Variants in PCBP3 observed in about 807,000 individuals in gnomAD.
PCBP3 encodes the protein poly(rC) binding protein 3.
A neutral mutation model predicts 52.7 loss-of-function variants in PCBP3; 25 were observed. That is an observed-to-expected ratio of 0.47 (90% CI 0.35 to 0.66). The LOEUF is 0.66. PCBP3 is among the 30% of genes least tolerant of loss of function. The pLI is 0.01. For synonymous variants in PCBP3, 162 were observed against 183.0 expected (o/e 0.89, Z 0.93); for missense variants, 391 against 490.3 (o/e 0.80, Z 1.91).
chr21:45,673,352 T>C (rs1252804319), intron 2 of PCBP3, among the ~76,000 whole-genome samples: 1 of 152,204 alleles, frequency 6.6e-6, no homozygotes, highest in Non-Finnish European at 1.5e-5. Flanking sequence ...TTTTTGTTTT[T>C]AACTGTATTA....
At chr21:45,925,109 TAGAAACAGCACA>T (rs2075206172) in intron 13 of PCBP3, among the ~76,000 whole-genome samples, 2 of 99,234 alleles carry the variant, frequency 2.0e-5, no homozygotes, top group East Asian at 4.5e-4. Context: ...GTCGCGTGGG[TAGAAACAGCACA>T]CGTAAGATCG....
intron 1 of PCBP3, among the ~76,000 whole-genome samples, chr21:45,659,921 T>C (rs1400951093): frequency 6.6e-6 from 1 of 152,172 alleles, no homozygotes; most frequent in African/African-American, 2.4e-5. Context: ...TGTTTTCTGC[T>C]TTTTGAATGG....
intron 16 of PCBP3, 125 bp from the exon 17 acceptor site, chr21:45,939,905 T>A: frequency 2.4e-6 from 2 of 827,258 alleles, no homozygotes; most frequent in Non-Finnish European, 3.8e-6. Context: ...GGTGTTGAGC[T>A]CAGGTCTTGG....
At chr21:45,897,926 T>A (rs1481509971) in intron 6 of PCBP3, among the ~76,000 whole-genome samples, 1 of 152,104 alleles carries the variant, frequency 6.6e-6, no homozygotes, top group African/African-American at 2.4e-5. Flanking sequence ...CCACGAGGAA[T>A]CCAACTGCCA....
At chr21:45,769,724 T>C (rs1308194084) in intron 4 of PCBP3, among the ~76,000 whole-genome samples, 1 of 152,234 alleles carries the variant, frequency 6.6e-6, no homozygotes, top group Admixed American at 6.5e-5. Flanking sequence ...GTCTTCACTC[T>C]GGCTGGCCGT....
chr21:45,681,893 AATT>A (rs1248468005), intron 2 of PCBP3, among the ~76,000 whole-genome samples: 8 of 152,160 alleles, frequency 5.3e-5, no homozygotes, highest in African/African-American at 1.7e-4. Flanking sequence ...GAACATTAGA[AATT>A]ATCCAATTTT....
chr21:45,863,701 G>C (rs1036059485), intron 5 of PCBP3, among the ~76,000 whole-genome samples: 3 of 152,210 alleles, frequency 2.0e-5, no homozygotes, highest in Non-Finnish European at 2.9e-5. Context: ...GTGGCCATCT[G>C]TCCGATACCC....
chr21:45,708,357 A>G lies in PCBP3; in HGVS notation c.-199-27035A>G, dbSNP rs2083596313. ...GCATTTCTGCCCAATTCCAAGGTCAAATTGCTGCTGTGAGAGTTCAGGGAT... is the reference window on the plus strand; with the variant it reads ...GCATTTCTGCCCAATTCCAAGGTCAGATTGCTGCTGTGAGAGTTCAGGGAT... On this transcript the variant is annotated intron_variant, in intron 2 of 17. Coordinates refer to ENST00000681687, the MANE Select transcript of PCBP3 (RefSeq NM_001384156.1). 2.0e-5 allele frequency among the ~76,000 whole-genome samples: 3 copies of G among 152,120 alleles called. No individual in the cohort carries two copies. The South Asian group carries it at 6.2e-4, about 31-fold the overall frequency.
In PCBP3 at chr21:45,938,208, A is replaced by C. The variant is rs143860212; in HGVS notation, c.910-1822A>C. Among the ~76,000 whole-genome samples, 19 of 152,382 alleles carry C rather than the reference A, an allele frequency of 1.2e-4. No homozygotes were observed. In the East Asian group the frequency reaches 3.7e-3, roughly 29 times the overall value. On this transcript the variant is annotated intron_variant, in intron 16 of 17. Coordinates refer to ENST00000681687, the MANE Select transcript of PCBP3 (RefSeq NM_001384156.1). ...AGGCTCCGAGGAGAGATCCAACAGC[A>C]CATGTGCACAAGGCTTTCCGTGCTG...
chr21:45,940,316 C>A, intron 17 of PCBP3, 117 bp downstream of exon 17: 1 of 788,690 alleles, frequency 1.3e-6, no homozygotes, highest in South Asian at 1.9e-5. Context: ...CACTCTGCCT[C>A]CCCTTCTGTC....
intron 9 of PCBP3, among the ~76,000 whole-genome samples, chr21:45,901,754 GAC>G (rs2096062464): frequency 7.8e-6 from 1 of 128,002 alleles, no homozygotes; most frequent in Admixed American, 7.6e-5. Flanking sequence ...AAGAGAGAGA[GAC>G]AGAGACAGAG....
At chr21:45,669,799 GTGTGTGTATA>G (rs1422615690) in intron 2 of PCBP3, among the ~76,000 whole-genome samples, 559 of 87,984 alleles carry the variant, frequency 6.4e-3, no homozygotes, top group African/African-American at 0.01. Flanking sequence ...GTGTGTGTGT[GTGTGTGTATA>G]TATATATATA....
intron 5 of PCBP3, among the ~76,000 whole-genome samples, chr21:45,887,099 GCTTGCCAGCTTTTCCACTTCCAAGT>G (rs1391847318): frequency 1.1e-4 from 16 of 152,200 alleles, no homozygotes; most frequent in Admixed American, 1.0e-3. Flanking sequence ...GGCATTTCCG[GCTTGCCAGCTTTTCCACTTCCAAGT>G]CTGAGAGACA....
intron 4 of PCBP3, among the ~76,000 whole-genome samples, chr21:45,771,402 T>C: frequency 6.6e-6 from 1 of 152,210 alleles, no homozygotes; most frequent in East Asian, 1.9e-4. Context: ...TAATTAGCAG[T>C]TTAGTGTGGT....
chr21:45,759,270 C>T (rs1273477844), intron 4 of PCBP3, among the ~76,000 whole-genome samples: 1 of 152,108 alleles, frequency 6.6e-6, no homozygotes, highest in East Asian at 1.9e-4. Flanking sequence ...TTAGAATTTG[C>T]CATTAAAGCA....
At chr21:45,772,218 C>G (rs971228928) in intron 4 of PCBP3, among the ~76,000 whole-genome samples, 1 of 152,144 alleles carries the variant, frequency 6.6e-6, no homozygotes, top group Non-Finnish European at 1.5e-5. Flanking sequence ...CCCCTAACCC[C>G]CATTCACCCT....
chr21:45,872,405 G>C (rs983721416), intron 5 of PCBP3: 1 of 152,200 alleles, frequency 6.6e-6, no homozygotes, highest in African/African-American at 2.4e-5. Context: ...TGGAAGGAGA[G>C]CTCCGTGCTG....
chr21:45,812,530 C>T (rs551058293), intron 4 of PCBP3, among the ~76,000 whole-genome samples: 4 of 152,190 alleles, frequency 2.6e-5, no homozygotes, highest in South Asian at 2.1e-4. Context: ...CTCAGCCTCC[C>T]GAGTAGCTGG....
rs773076883 is a variant in PCBP3 at position 45,862,564 on chromosome 21, T to C, written c.10+12469T>C. Among the ~76,000 whole-genome samples the C allele has an allele frequency of 1.2e-4, 18 of 152,322 alleles. 1 individual carries two copies. The highest frequency in any genetic ancestry group is 1.0e-3 in the South Asian group (5 of 4,828). On this transcript the variant is annotated intron_variant, in intron 5 of 17. Coordinates refer to ENST00000681687, the MANE Select transcript of PCBP3 (RefSeq NM_001384156.1). ...GGTTTTTCTTTTGCATGTACACATA[T>C]TCTATTTTTTTCTGTATGAACCTCC...
Sources: allele counts gnomAD v4.1 joint callset (sites outside exome capture counted in the v4.1 genomes callset), GRCh38; gene constraint gnomAD v4.1.1; transcripts MANE v1.5; gene names NCBI Gene and HGNC (gene_info 2026-07-23, HGNC 2026-07-21).